The following ADARB2 variants were observed in gnomAD, a reference collection of about 807,000 sequenced individuals.
ADARB2 encodes the protein inactive double-stranded RNA-specific editase B2.
Under a neutral mutation model 62.2 loss-of-function variants are expected in ADARB2, and 25 were observed. That is an observed-to-expected ratio of 0.40 (90% CI 0.29 to 0.56). ADARB2 has a LOEUF of 0.56. ADARB2 is among the 20% of genes least tolerant of loss of function. The probability of loss-of-function intolerance (pLI) is 0.43; values close to 1 mark genes in which losing one functional copy is unlikely to be tolerated. For synonymous variants in ADARB2, 572 were observed against 500.8 expected, an observed-to-expected ratio of 1.14 and a Z score of -1.90; for missense variants, 1,071 against 1,077.4, an observed-to-expected ratio of 0.99 and a Z score of 0.08.
At chr10:1,406,976 C>T (rs1336984464) in intron 1 of ADARB2, among the ~76,000 whole-genome samples, 2 of 152,196 alleles carry the variant, frequency 1.3e-5, no homozygotes, top group African/African-American at 4.8e-5. Context: ...TTGGGATGGC[C>T]AGGGACGCTG....
chr10:1,691,473 T>A (rs2119126476), intron 1 of ADARB2, among the ~76,000 whole-genome samples: 1 of 152,306 alleles, frequency 6.6e-6, no homozygotes, highest in African/African-American at 2.4e-5. Flanking sequence ...CACTTGGACC[T>A]ATGACATCCA....
intron 1 of ADARB2, chr10:1,676,001 A>G (rs1206911543): frequency 4.1e-6 from 4 of 985,084 alleles, no homozygotes; most frequent in Non-Finnish European, 4.8e-6. Flanking sequence ...CCCACCCCCG[A>G]CTTTGGTAAG....
chr10:1,716,752 T>G (rs906125757), intron 1 of ADARB2, among the ~76,000 whole-genome samples: 4 of 152,228 alleles, frequency 2.6e-5, no homozygotes, highest in African/African-American at 9.6e-5. Context: ...ACAGTTGAAG[T>G]GGCATGCCAT....
chr10:1,521,772 C>T (rs1187058284), intron 1 of ADARB2, among the ~76,000 whole-genome samples: 1 of 151,704 alleles, frequency 6.6e-6, no homozygotes, highest in Non-Finnish European at 1.5e-5. Flanking sequence ...GGGGCACCCC[C>T]CCATCCACCC....
chr10:1,463,426 A>G (rs1473517367), intron 1 of ADARB2, among the ~76,000 whole-genome samples: 2 of 152,210 alleles, frequency 1.3e-5, no homozygotes, highest in Non-Finnish European at 2.9e-5. Flanking sequence ...ATGCAGATGC[A>G]GACACGGGTA....
chr10:1,484,397 G>A (rs146393866), intron 1 of ADARB2, among the ~76,000 whole-genome samples: 42 of 152,294 alleles, frequency 2.8e-4, no homozygotes, highest in African/African-American at 9.4e-4. Context: ...TCCCTGTGCC[G>A]CTGCCACCCC....
chr10:1,182,781 C>T lies in ADARB2; in HGVS notation c.*412G>A, dbSNP rs984744913. The T allele has an allele frequency of 6.0e-6, 1 of 165,324 alleles. No individual in the cohort carries two copies. Among genetic ancestry groups the T allele is most frequent in the African/African-American group, 2.4e-5 (1 of 41,862 alleles). 10.2% of individuals were successfully genotyped at this position (165,324 alleles called of 1,614,324 possible). On this transcript the variant is annotated 3_prime_UTR_variant, in exon 10 of 10. Transcript: ENST00000381312. ...TGTGGCTTATCTTCATGTGCCCCCT[C>T]AAGCTAGTGAGACCCCAGCATCACC...
At chr10:1,220,936 T>C (rs116569990) in intron 6 of ADARB2, among the ~76,000 whole-genome samples, 2,686 of 152,292 alleles carry the variant, frequency 0.018, 34 homozygotes, top group Middle Eastern at 0.048. Context: ...CATGAGTTGC[T>C]CCTGAGTGTT....
chr10:1,284,989 G>T (rs1276564210), intron 3 of ADARB2, among the ~76,000 whole-genome samples: 3 of 152,128 alleles, frequency 2.0e-5, no homozygotes, highest in Non-Finnish European at 4.4e-5. Flanking sequence ...CAGGTGAGTG[G>T]CTGGGGAGGG....
intron 3 of ADARB2, among the ~76,000 whole-genome samples, chr10:1,287,730 C>G (rs1019960696): frequency 5.1e-4 from 78 of 152,346 alleles, no homozygotes; most frequent in African/African-American, 1.8e-3. Flanking sequence ...CCTGCTCACT[C>G]TTTAATTACA....
intron 1 of ADARB2, among the ~76,000 whole-genome samples, chr10:1,718,713 G>A (rs994949993): frequency 2.6e-5 from 4 of 152,164 alleles, no homozygotes; most frequent in Non-Finnish European, 5.9e-5. Flanking sequence ...CGACCCAGTT[G>A]ACAGGCAGAG....
chr10:1,354,012 ACTATTCCACAATATCACCC>A (rs891600518), intron 3 of ADARB2, among the ~76,000 whole-genome samples: 11 of 152,214 alleles, frequency 7.2e-5, no homozygotes, highest in African/African-American at 2.6e-4. Flanking sequence ...ATTCTACAGG[ACTATTCCACAATATCACCC>A]CTTACCACAA....
At chr10:1,730,942 A>G (rs1327868191) in intron 1 of ADARB2, among the ~76,000 whole-genome samples, 2 of 152,206 alleles carry the variant, frequency 1.3e-5, no homozygotes, top group Admixed American at 6.5e-5. Context: ...AATACAATGT[A>G]ATTATTTTGC....
intron 1 of ADARB2, among the ~76,000 whole-genome samples, chr10:1,634,319 A>G (rs1174637865): frequency 6.6e-6 from 1 of 152,224 alleles, no homozygotes; most frequent in Admixed American, 6.5e-5. Flanking sequence ...GATGTTTCCT[A>G]AAGAAAACCA....
intron 1 of ADARB2, among the ~76,000 whole-genome samples, chr10:1,466,841 G>C (rs1831260797): frequency 6.6e-6 from 1 of 152,098 alleles, no homozygotes; most frequent in African/African-American, 2.4e-5. Context: ...CTGGGTCTTC[G>C]GGACAGAGTC....
chr10:1,368,399 G>C (rs36024747), intron 2 of ADARB2, among the ~76,000 whole-genome samples: 42,998 of 151,964 alleles, frequency 0.28, 6,731 homozygotes, highest in Non-Finnish European at 0.35. Flanking sequence ...CCTCCTCTCA[G>C]CCGCATCTCG....
intron 8 of ADARB2, chr10:1,186,460 C>T (rs1288195106): frequency 3.9e-6 from 2 of 518,596 alleles, no homozygotes; most frequent in Admixed American, 1.9e-5. Context: ...CCATTGGTGC[C>T]TCCTGAATCT....
chr10:1,293,333 G>A (rs1020085942), intron 3 of ADARB2, among the ~76,000 whole-genome samples: 3 of 146,514 alleles, frequency 2.0e-5, no homozygotes, highest in Admixed American at 6.7e-5. Context: ...GGGGGAAGAG[G>A]GCAGAGAGGG....
At chr10:1,612,199 C>T (rs1833581205) in intron 1 of ADARB2, among the ~76,000 whole-genome samples, 2 of 152,238 alleles carry the variant, frequency 1.3e-5, no homozygotes, top group African/African-American at 4.8e-5. Flanking sequence ...GGGTCCTCGT[C>T]TTTTTCTGAG....
Sources: allele counts gnomAD v4.1 joint callset (sites outside exome capture counted in the v4.1 genomes callset), GRCh38; gene constraint gnomAD v4.1.1; transcripts MANE v1.5; gene names NCBI Gene and HGNC (gene_info 2026-07-23, HGNC 2026-07-21).